Variants in ASF1B observed in about 807,000 individuals in gnomAD.
ASF1B encodes the protein histone chaperone ASF1B.
ASF1B carries 10 observed loss-of-function variants against 16.6 expected under a neutral mutation model. That is an observed-to-expected ratio of 0.60 (90% CI 0.37 to 1.02). The LOEUF (loss-of-function observed/expected upper bound fraction) is 1.02, where lower values mean the gene tolerates loss of function less well. Among genes scored for constraint, ASF1B ranks in the 50% least tolerant of loss-of-function variants. The pLI is 0.01. For missense variants in ASF1B, 240 were observed against 266.0 expected, an observed-to-expected ratio of 0.90 and a Z score of 0.68; for synonymous variants, 101 against 106.2, an observed-to-expected ratio of 0.95 and a Z score of 0.30.
In ASF1B at chr19:14,119,820, A is replaced by C. The variant is rs969605384; in HGVS notation, c.*639T>G. 1 of 152,578 alleles carries C rather than the reference A, an allele frequency of 6.6e-6. No homozygotes were observed. Among genetic ancestry groups the C allele is most frequent in the Non-Finnish European group, 1.5e-5 (1 of 68,100 alleles). The allele number at this position is 152,578 out of a possible 1,614,324, so 9.5% of individuals were successfully genotyped here. A position where few individuals can be genotyped will look rare whatever the true frequency, so the allele number is the denominator to read the frequency against. On this transcript the variant is annotated 3_prime_UTR_variant, in exon 4 of 4. Coordinates refer to ENST00000263382, the MANE Select transcript of ASF1B (RefSeq NM_018154.3). ...TCCAACCATGGCAGCCTCCAGGAAAAGCCAGATCCATTTAGGAGATAACAG... is the reference window on the plus strand; with the variant it reads ...TCCAACCATGGCAGCCTCCAGGAAACGCCAGATCCATTTAGGAGATAACAG...
chr19:14,134,517 C>T (rs1967456553), intron 1 of ASF1B, among the ~76,000 whole-genome samples: 1 of 151,904 alleles, frequency 6.6e-6, no homozygotes, highest in African/African-American at 2.4e-5. Flanking sequence ...CCCAGATCAC[C>T]ACCTCCTCGG....
intron 1 of ASF1B, among the ~76,000 whole-genome samples, chr19:14,132,195 T>C (rs1202135562): frequency 6.6e-6 from 1 of 152,030 alleles, no homozygotes; most frequent in Non-Finnish European, 1.5e-5. Context: ...GTCCCGTTAA[T>C]TTTTTGATGT....
At chr19:14,132,917 G>A (rs1313554536) in intron 1 of ASF1B, among the ~76,000 whole-genome samples, 1 of 151,520 alleles carries the variant, frequency 6.6e-6, no homozygotes, top group Non-Finnish European at 1.5e-5. Flanking sequence ...TCAGGAAATC[G>A]AGACCATCCT....
rs759614102 is a variant in ASF1B, at chr19:14,121,494, C to T, written c.402+38G>A. 1.3e-5 allele frequency: 20 copies of T among 1,595,452 alleles called. No homozygotes were observed. In the African/African-American group the frequency reaches 1.5e-4, roughly 12 times the overall value. ...CTGAACTCCCCCCAAGTATAAAGAA[C>T]GGCCTTGTGGGAAGCAGGAAGTGGA... On this transcript the variant is annotated intron_variant, in intron 3 of 3. Transcript: ENST00000263382.
chr19:14,128,304 G>C (rs1366788354), intron 1 of ASF1B, among the ~76,000 whole-genome samples: 1 of 152,162 alleles, frequency 6.6e-6, no homozygotes, highest in African/African-American at 2.4e-5. Flanking sequence ...CTGCTGCCAG[G>C]TCATGACTAC....
At chr19:14,134,662 G>C (rs763433427) in intron 1 of ASF1B, among the ~76,000 whole-genome samples, 5 of 152,208 alleles carry the variant, frequency 3.3e-5, no homozygotes, top group Admixed American at 6.5e-5. Flanking sequence ...TACAGGCCTT[G>C]ACTTGAAAGG....
chr19:14,122,536 T>G (rs28735092), intron 2 of ASF1B, among the ~76,000 whole-genome samples: 5,480 of 151,804 alleles, frequency 0.036, 320 homozygotes, highest in African/African-American at 0.12. Context: ...AGCCAATTAT[T>G]TTTTGTAGAG....
chr19:14,123,743 A>C, intron 2 of ASF1B, among the ~76,000 whole-genome samples: 1 of 151,278 alleles, frequency 6.6e-6, no homozygotes, highest in East Asian at 1.9e-4. Flanking sequence ...GTGCAATCAC[A>C]GATCACTGTA....
chr19:14,130,505 TA>T (rs201790325), intron 1 of ASF1B, among the ~76,000 whole-genome samples: 5,513 of 137,776 alleles, frequency 0.04, 134 homozygotes, highest in African/African-American at 0.08. Context: ...CCTATCTCTT[TA>T]AAAAAAAAAA....
chr19:14,129,233 G>A (rs1054457815), intron 1 of ASF1B, among the ~76,000 whole-genome samples: 2 of 151,676 alleles, frequency 1.3e-5, no homozygotes, highest in Non-Finnish European at 2.9e-5. Flanking sequence ...CAGCCTGGAC[G>A]ACAGAGACCC....
chr19:14,136,306 G>A (rs1967498650), intron 1 of ASF1B, 42 bp downstream of exon 1: 1 of 1,570,880 alleles, frequency 6.4e-7, no homozygotes, highest in Non-Finnish European at 8.7e-7. Flanking sequence ...GGAGGCCGGG[G>A]TCGGCCCGGG....
In ASF1B at chr19:14,120,548, G is replaced by C. The variant is rs779333083; in HGVS notation, c.520C>G (p.Leu174Val). ...TTGATAGGAGTGCAGTTGAGTGGGA[G>C]GCCGCAGCCCAGGGAGGGGTCCTGG... is the stretch of plus-strand genomic sequence containing the variant. ...ETQDPSLGCG[L>V]PLNCTPIKGL... Residue 174 changes from leucine (L) to valine (V), a missense_variant, in exon 4 of 4, where the codon CTC (leucine) becomes GTC (valine). By Grantham distance (32) the Leu-to-Val change is conservative. Transcript: ENST00000263382. 3.7e-6 allele frequency: 6 copies of C among 1,613,514 alleles called. No homozygotes were observed. The highest frequency in any genetic ancestry group is 4.2e-6 in the Non-Finnish European group (5 of 1,179,742).
chr19:14,130,107 A>G (rs1018079608), intron 1 of ASF1B, among the ~76,000 whole-genome samples: 1 of 151,646 alleles, frequency 6.6e-6, no homozygotes, highest in African/African-American at 2.4e-5. Flanking sequence ...TGCCCAGACT[A>G]GAGTGCAGTG....
intron 1 of ASF1B, among the ~76,000 whole-genome samples, chr19:14,133,930 C>A (rs576651353): frequency 4.6e-5 from 7 of 150,956 alleles, no homozygotes; most frequent in African/African-American, 9.7e-5. Context: ...CAGCCTCCCG[C>A]GTAGCTGGGA....
At chr19:14,128,699 A>G (rs890066579) in intron 1 of ASF1B, among the ~76,000 whole-genome samples, 7 of 152,148 alleles carry the variant, frequency 4.6e-5, no homozygotes, top group African/African-American at 1.7e-4. Context: ...GTCTCAAGCA[A>G]TCCTCCCGCC....
At position 14,120,808 on chromosome 19, in the gene ASF1B, C is replaced by CTTAT. The variant is rs547008412; in HGVS notation, c.403-147_403-144dup. ...TCCAGAAAACACCTGTGGCCAGGAC[C>CTTAT]TTATTTATTTATTTATTTATTTATT... On this transcript the variant is annotated intron_variant, in intron 3 of 3. Transcript: ENST00000263382. The CTTAT allele has an allele frequency of 4.5e-3, 2,955 of 653,100 alleles. 21 individuals carry two copies. Among genetic ancestry groups the CTTAT allele is most frequent in the African/African-American group, 0.025 (1,313 of 52,494 alleles). The allele number at this position is 653,100 out of a possible 1,614,324, so 40.5% of individuals were successfully genotyped here.
At chr19:14,136,245 G>A in intron 1 of ASF1B, 103 bp downstream of exon 1, 2 of 909,814 alleles carry the variant, frequency 2.2e-6, no homozygotes, top group Non-Finnish European at 1.7e-6. Context: ...GAAGGGGGAC[G>A]AGGGGTTTCA....
At position 14,120,301 on chromosome 19, in the gene ASF1B, C is replaced by G; in HGVS notation, c.*158G>C. The G allele has an allele frequency of 1.1e-5, 7 of 657,966 alleles. No homozygotes were observed. In the South Asian group the frequency reaches 1.4e-4, roughly 13 times the overall value. The allele number at this position is 657,966 out of a possible 1,614,324, so 40.8% of individuals were successfully genotyped here. A position where few individuals can be genotyped will look rare whatever the true frequency, so the allele number is the denominator to read the frequency against. On this transcript the variant is annotated 3_prime_UTR_variant, in exon 4 of 4. Transcript: ENST00000263382. ...AGCGAGATCATCCTTCTGGCCAGGA[C>G]TAGGGGAGACCCAAGGCCTGTTCTT...
At chr19:14,134,470 G>A (rs1863673942) in intron 1 of ASF1B, among the ~76,000 whole-genome samples, 1 of 151,938 alleles carries the variant, frequency 6.6e-6, no homozygotes, top group Admixed American at 6.6e-5. Context: ...ACCTGCCCCC[G>A]AGAGGCACTA....
Sources: gnomAD v4.1 joint callset for allele counts (sites outside exome capture counted in the v4.1 genomes callset) on GRCh38, gnomAD v4.1.1 for gene constraint, MANE v1.5 for transcripts, NCBI Gene and HGNC (gene_info 2026-07-23, HGNC 2026-07-21) for gene names.